The following IL1RAPL2 variants were observed in gnomAD, a reference collection of about 807,000 sequenced individuals.
IL1RAPL2 encodes the protein interleukin 1 receptor accessory protein like 2, also known as X-linked interleukin-1 receptor accessory protein-like 2.
A neutral mutation model predicts 44.1 loss-of-function variants in IL1RAPL2; 3 were observed. That is an observed-to-expected ratio of 0.07 (90% CI 0.03 to 0.18). The LOEUF (loss-of-function observed/expected upper bound fraction) is 0.18, where lower values mean the gene tolerates loss of function less well. Among genes scored for constraint, IL1RAPL2 ranks in the 10% least tolerant of loss-of-function variants. IL1RAPL2 has a pLI of 1.00. For synonymous variants in IL1RAPL2, 181 were observed against 178.8 expected, an observed-to-expected ratio of 1.01 and a Z score of -0.10; for missense variants, 391 against 496.4, an observed-to-expected ratio of 0.79 and a Z score of 2.02.
At chrX:105,699,960 T>C (rs1456543288) in intron 6 of IL1RAPL2, among the ~76,000 whole-genome samples, 1 of 111,860 alleles carries the variant, frequency 8.9e-6, no homozygotes, top group Non-Finnish European at 1.9e-5. Flanking sequence ...TTCAAGCAGC[T>C]GCTGAATTTT....
At chrX:105,585,887 T>G (rs1277526301) in intron 6 of IL1RAPL2, among the ~76,000 whole-genome samples, 2 of 112,261 alleles carry the variant, frequency 1.8e-5, no homozygotes, top group Non-Finnish European at 3.8e-5. Flanking sequence ...CACCCAGTAA[T>G]GGGATTGCTG....
At position 104,867,236 on chromosome X, in the gene IL1RAPL2, CAAA is replaced by C. The variant is rs35810207; in HGVS notation, c.82+208263_82+208265del. ...TGGGCAAAAGAGCAAGTCTCTGTCT[CAAA>C]AAAAAAAAAAAAAAAAAAAAATTGT... is the stretch of plus-strand genomic sequence containing the variant. On this transcript the variant is annotated intron_variant, in intron 2 of 10. Transcript: ENST00000372582. Among the ~76,000 whole-genome samples the C allele has an allele frequency of 4.0e-3, 174 of 43,760 alleles. No homozygotes were observed. The East Asian group carries it at 0.049, about 12-fold the overall frequency. 38.0% of individuals were successfully genotyped at this position (43,760 alleles called of 115,157 possible).
chrX:105,071,178 G>A (rs1172515294), intron 2 of IL1RAPL2, among the ~76,000 whole-genome samples: 2 of 111,120 alleles, frequency 1.8e-5, no homozygotes, highest in Non-Finnish European at 3.8e-5. Flanking sequence ...AAATGAAAAT[G>A]GTAAAAGTGC....
At chrX:105,180,338 A>C (rs2033517458) in intron 2 of IL1RAPL2, among the ~76,000 whole-genome samples, 1 of 108,931 alleles carries the variant, frequency 9.2e-6, no homozygotes, top group Non-Finnish European at 1.9e-5. Context: ...ACTCCATCTC[A>C]AAAAACAAAA....
At chrX:105,690,220 CA>C (rs1281846155) in intron 6 of IL1RAPL2, among the ~76,000 whole-genome samples, 1 of 110,165 alleles carries the variant, frequency 9.1e-6, no homozygotes. Context: ...AGTATAATAA[CA>C]AAAATTTTTT....
intron 2 of IL1RAPL2, among the ~76,000 whole-genome samples, chrX:105,136,789 G>A (rs1367093830): frequency 8.9e-6 from 1 of 112,055 alleles, no homozygotes; most frequent in East Asian, 2.8e-4. Flanking sequence ...GAATGGGTAG[G>A]ACTAATGTGA....
At chrX:104,952,387 T>C (rs1411465639) in intron 2 of IL1RAPL2, among the ~76,000 whole-genome samples, 1 of 112,099 alleles carries the variant, frequency 8.9e-6, no homozygotes, top group Non-Finnish European at 1.9e-5. Flanking sequence ...TATAGGTTTA[T>C]TGGGCAGTCT....
intron 5 of IL1RAPL2, among the ~76,000 whole-genome samples, chrX:105,481,042 A>C (rs932986038): frequency 8.9e-6 from 1 of 111,816 alleles, no homozygotes; most frequent in African/African-American, 3.2e-5. Context: ...AAAGGTGTAT[A>C]TGTGTGGGGT....
At chrX:105,220,407 G>C in intron 3 of IL1RAPL2, 5 of 1,166,048 alleles carry the variant, frequency 4.3e-6, no homozygotes, top group Non-Finnish European at 5.7e-6. Flanking sequence ...TGATCGCCTA[G>C]GGGTTTAACG....
chrX:104,907,019 G>T (rs2147679020), intron 2 of IL1RAPL2, among the ~76,000 whole-genome samples: 1 of 110,844 alleles, frequency 9.0e-6, no homozygotes, highest in African/African-American at 3.3e-5. Flanking sequence ...CTTCTTCCTG[G>T]TTTAGTCTTG....
At chrX:105,677,629 T>C (rs2037883669) in intron 6 of IL1RAPL2, among the ~76,000 whole-genome samples, 1 of 111,714 alleles carries the variant, frequency 9.0e-6, no homozygotes, top group Non-Finnish European at 1.9e-5. Flanking sequence ...TCAATCTCAG[T>C]ACTGTTGACA....
At chrX:105,033,582 C>T (rs1234204424) in intron 2 of IL1RAPL2, among the ~76,000 whole-genome samples, 1 of 112,086 alleles carries the variant, frequency 8.9e-6, no homozygotes, top group African/African-American at 3.2e-5. Flanking sequence ...AGAGTTTCTG[C>T]AGTGCGATCA....
intron 2 of IL1RAPL2, among the ~76,000 whole-genome samples, chrX:104,957,404 A>G (rs1281828108): frequency 1.8e-5 from 2 of 111,903 alleles, no homozygotes; most frequent in African/African-American, 6.5e-5. Flanking sequence ...CCCATGCTGA[A>G]GAACTATCAA....
At chrX:105,202,571 T>TAGAA in intron 3 of IL1RAPL2, among the ~76,000 whole-genome samples, 1 of 112,173 alleles carries the variant, frequency 8.9e-6, no homozygotes. Flanking sequence ...CCTATTTTTC[T>TAGAA]AGCTCATTTT....
At chrX:105,429,974 C>T (rs2035837016) in intron 5 of IL1RAPL2, among the ~76,000 whole-genome samples, 1 of 110,967 alleles carries the variant, frequency 9.0e-6, no homozygotes, top group Admixed American at 9.6e-5. Context: ...GAGTCTGGCT[C>T]CATTTGCTAT....
intron 3 of IL1RAPL2, among the ~76,000 whole-genome samples, chrX:105,216,139 G>A (rs1012349505): frequency 5.1e-4 from 57 of 111,013 alleles, no homozygotes; most frequent in South Asian, 3.4e-3. Flanking sequence ...GAAATGAAGC[G>A]CATTCTAATA....
chrX:105,147,600 G>A (rs1316041658), intron 2 of IL1RAPL2, among the ~76,000 whole-genome samples: 1 of 111,454 alleles, frequency 9.0e-6, no homozygotes, highest in Non-Finnish European at 1.9e-5. Flanking sequence ...GTGGACTTTT[G>A]TGCCTTCTTT....
intron 2 of IL1RAPL2, among the ~76,000 whole-genome samples, chrX:104,796,558 T>G (rs1277815330): frequency 9.0e-6 from 1 of 111,519 alleles, no homozygotes; most frequent in Non-Finnish European, 1.9e-5. Flanking sequence ...CATTGTGCGG[T>G]GATGGGGAAA....
chrX:105,074,041 T>A (rs2032250461), intron 2 of IL1RAPL2, among the ~76,000 whole-genome samples: 1 of 111,707 alleles, frequency 9.0e-6, no homozygotes, highest in Admixed American at 9.5e-5. Context: ...AGCTCTTTAG[T>A]TTAATTAGAT....
Sources: gnomAD v4.1 joint callset for allele counts (sites outside exome capture counted in the v4.1 genomes callset) on GRCh38, gnomAD v4.1.1 for gene constraint, MANE v1.5 for transcripts, NCBI Gene and HGNC (gene_info 2026-07-23, HGNC 2026-07-21) for gene names.